The following CDH18 variants were observed in gnomAD, a reference collection of about 807,000 sequenced individuals.
CDH18 encodes the protein cadherin 18, also known as cadherin-18.
CDH18 carries 31 observed loss-of-function variants against 67.9 expected under a neutral mutation model. The observed-to-expected ratio is 0.46, with a 90% confidence interval of 0.34 to 0.62. The LOEUF (loss-of-function observed/expected upper bound fraction) is 0.62. CDH18 is among the 20% of genes least tolerant of loss of function. CDH18 has a pLI of 0.01. For missense variants in CDH18, 890 were observed against 975.5 expected (o/e 0.91, Z 1.17); for synonymous variants, 362 against 347.2 (o/e 1.04, Z -0.48).
intron 5 of CDH18, among the ~76,000 whole-genome samples, chr5:19,618,637 T>G (rs1305083188): frequency 6.6e-6 from 1 of 152,206 alleles, no homozygotes; most frequent in Admixed American, 6.5e-5. Flanking sequence ...AACTAAATCA[T>G]GTAAAGTGCT....
intron 2 of CDH18, among the ~76,000 whole-genome samples, chr5:19,859,993 T>G (rs911589703): frequency 2.7e-5 from 4 of 149,244 alleles, no homozygotes; most frequent in East Asian, 2.0e-4. Flanking sequence ...GCTTTGGGTG[T>G]GTGTGTGTGT....
At chr5:19,548,086 T>G (rs1736656187) in intron 8 of CDH18, among the ~76,000 whole-genome samples, 1 of 152,114 alleles carries the variant, frequency 6.6e-6, no homozygotes, top group Non-Finnish European at 1.5e-5. Flanking sequence ...TAAATTACTT[T>G]TCAAATAATT....
chr5:19,889,201 A>G (rs1465762402), intron 2 of CDH18, among the ~76,000 whole-genome samples: 5 of 152,056 alleles, frequency 3.3e-5, no homozygotes, highest in Admixed American at 3.3e-4. Flanking sequence ...TTTTCTATGT[A>G]TAGATAGTTG....
chr5:20,043,949 C>T (rs75440953), intron 2 of CDH18, among the ~76,000 whole-genome samples: 7 of 152,122 alleles, frequency 4.6e-5, no homozygotes, highest in African/African-American at 1.4e-4. Context: ...GTTATTCTAT[C>T]CTTACTTCCC....
chr5:20,319,069 G>A (rs985195647), intron 1 of CDH18, among the ~76,000 whole-genome samples: 3 of 151,990 alleles, frequency 2.0e-5, no homozygotes, highest in Non-Finnish European at 2.9e-5. Flanking sequence ...ATGAAAACTG[G>A]GTCTTTTTTA....
chr5:20,541,928 C>T (rs1022964575), intron 1 of CDH18, among the ~76,000 whole-genome samples: 5 of 152,070 alleles, frequency 3.3e-5, no homozygotes, highest in African/African-American at 1.2e-4. Context: ...TTGAATATCT[C>T]AAAGTTCAGG....
chr5:20,278,133 A>AAATATACAAC (rs531227822), intron 1 of CDH18, among the ~76,000 whole-genome samples: 158 of 152,292 alleles, frequency 1.0e-3, no homozygotes, highest in African/African-American at 3.7e-3. Context: ...AAATCAAGAA[A>AAATATACAAC]AATATACAAC....
intron 1 of CDH18, among the ~76,000 whole-genome samples, chr5:20,426,757 A>G (rs1230197506): frequency 6.6e-6 from 1 of 151,120 alleles, no homozygotes; most frequent in Non-Finnish European, 1.5e-5. Context: ...AAACTTTTTC[A>G]AATAAAACTA....
In CDH18 at chr5:20,496,618, G is replaced by A. The variant is rs80053979; in HGVS notation, c.-580+78844C>T. Among the ~76,000 whole-genome samples, 19 of 152,162 alleles carry A rather than the reference G, an allele frequency of 1.2e-4. No homozygotes were observed. The East Asian group carries it at 2.5e-3, about 20-fold the overall frequency. On this transcript the variant is annotated intron_variant, in intron 1 of 14. Transcript: ENST00000507958. ...ATGAGGAAACAATGTGGGAATTATCGTTTCAGAGCAAAATTTTATAGTAAT... is the reference window on the plus strand; with the variant it reads ...ATGAGGAAACAATGTGGGAATTATCATTTCAGAGCAAAATTTTATAGTAAT...
intron 5 of CDH18, among the ~76,000 whole-genome samples, chr5:19,671,934 T>C (rs1222816068): frequency 6.6e-6 from 1 of 152,098 alleles, no homozygotes; most frequent in Non-Finnish European, 1.5e-5. Flanking sequence ...CAACAAGAAA[T>C]ACTGGCATGT....
At chr5:19,662,516 T>G (rs1757323362) in intron 5 of CDH18, among the ~76,000 whole-genome samples, 1 of 152,182 alleles carries the variant, frequency 6.6e-6, no homozygotes, top group East Asian at 1.9e-4. Context: ...AATTGTACAG[T>G]TTATATTATC....
chr5:19,930,601 C>G (rs1038019990), intron 2 of CDH18, among the ~76,000 whole-genome samples: 1 of 151,792 alleles, frequency 6.6e-6, no homozygotes, highest in Non-Finnish European at 1.5e-5. Context: ...CGCAAAGCTC[C>G]GGGGGACACT....
At position 20,237,712 on chromosome 5, in the gene CDH18, C is replaced by T. The variant is rs1050287741; in HGVS notation, c.-518+17732G>A. 1.4e-4 allele frequency among the ~76,000 whole-genome samples: 22 copies of T among 151,988 alleles called. 1 individual carries two copies. The highest frequency in any genetic ancestry group is 1.9e-4 in the East Asian group (1 of 5,182). On this transcript the variant is annotated intron_variant, in intron 2 of 14. Transcript: ENST00000507958. ...CCTTGCTCCTGTGTCAGATGTAACACGTTTAAGATATCAATTTTTCACAAG... is the reference window on the plus strand; with the variant it reads ...CCTTGCTCCTGTGTCAGATGTAACATGTTTAAGATATCAATTTTTCACAAG...
At chr5:20,216,839 T>C (rs1200849374) in intron 2 of CDH18, among the ~76,000 whole-genome samples, 1 of 151,702 alleles carries the variant, frequency 6.6e-6, no homozygotes, top group Non-Finnish European at 1.5e-5. Flanking sequence ...TCGAACTCAA[T>C]ATGGTCAAAG....
At chr5:19,687,307 T>G (rs1265147068) in intron 5 of CDH18, among the ~76,000 whole-genome samples, 1 of 152,136 alleles carries the variant, frequency 6.6e-6, no homozygotes, top group African/African-American at 2.4e-5. Flanking sequence ...AAGACCAGCC[T>G]CCATCAGAAT....
At chr5:19,775,514 A>G (rs1774261150) in intron 3 of CDH18, among the ~76,000 whole-genome samples, 1 of 152,026 alleles carries the variant, frequency 6.6e-6, no homozygotes, top group Non-Finnish European at 1.5e-5. Context: ...CACCTCACAG[A>G]GTAAAAGCAG....
intron 2 of CDH18, among the ~76,000 whole-genome samples, chr5:20,142,147 G>C (rs1750294114): frequency 6.6e-6 from 1 of 152,038 alleles, no homozygotes; most frequent in Non-Finnish European, 1.5e-5. Context: ...AAAGCTGAAA[G>C]AATAGTTCAG....
chr5:20,010,246 T>A (rs1042914894), intron 2 of CDH18, among the ~76,000 whole-genome samples: 8 of 152,046 alleles, frequency 5.3e-5, no homozygotes, highest in Admixed American at 3.9e-4. Context: ...CTTTTTAATT[T>A]TTTTTAATTT....
At chr5:19,499,103 G>C (rs772984218) in intron 11 of CDH18, among the ~76,000 whole-genome samples, 3 of 152,164 alleles carry the variant, frequency 2.0e-5, no homozygotes, top group Non-Finnish European at 4.4e-5. Context: ...GAATACATGA[G>C]CTCCAATTTT....
Sources: gnomAD v4.1 joint callset for allele counts (sites outside exome capture counted in the v4.1 genomes callset) on GRCh38, gnomAD v4.1.1 for gene constraint, MANE v1.5 for transcripts, NCBI Gene and HGNC (gene_info 2026-07-23, HGNC 2026-07-21) for gene names.